TBCK: variants seen among roughly 807,000 people sequenced by gnomAD.
TBCK encodes TBC domain-containing protein kinase-like protein.
Under a neutral mutation model 113.4 loss-of-function variants are expected in TBCK, and 99 were observed. The ratio of observed to expected loss-of-function variants is 0.87; its 90% CI spans 0.74 to 1.03. The LOEUF (loss-of-function observed/expected upper bound fraction) is 1.03, where lower values mean the gene tolerates loss of function less well. Ranked by LOEUF, TBCK falls within the 50% of genes least tolerant of loss-of-function variation. The pLI is 0.00. For missense variants in TBCK, 1,045 were observed against 1,061.3 expected (o/e 0.98, Z 0.21); for synonymous variants, 369 against 370.8 (o/e 1.00, Z 0.05).
In TBCK at chr4:106,224,400, T is replaced by C. The variant is rs528858692; in HGVS notation, c.1774+5963A>G. Among the ~76,000 whole-genome samples the C allele has an allele frequency of 5.3e-5, 8 of 152,026 alleles. No individual in the cohort carries two copies. In the South Asian group the frequency reaches 1.2e-3, roughly 24 times the overall value. Reference sequence around the variant, plus strand: ...AAAGGCAATTCAAAGATTCAGTAAATATGCATTTCTACAATTGGCTTTTAA... The same window carrying C: ...AAAGGCAATTCAAAGATTCAGTAAACATGCATTTCTACAATTGGCTTTTAA... On this transcript the variant is annotated intron_variant, in intron 19 of 25. Transcript: ENST00000394708.
At chr4:106,147,369 T>C (rs1327756774) in intron 23 of TBCK, among the ~76,000 whole-genome samples, 2 of 152,152 alleles carry the variant, frequency 1.3e-5, no homozygotes, top group Non-Finnish European at 1.5e-5. Flanking sequence ...AAAGTAAGAC[T>C]TGAAAGTTGA....
At chr4:106,231,097 T>A (rs1344500126) in intron 18 of TBCK, among the ~76,000 whole-genome samples, 1 of 151,762 alleles carries the variant, frequency 6.6e-6, no homozygotes, top group Non-Finnish European at 1.5e-5. Flanking sequence ...GATCTTCAGA[T>A]AAGGCATCTA....
Position 106,171,083 on chromosome 4 carries a change from G to T in TBCK, c.2235+12C>A. Reference sequence around the variant, plus strand: ...CTTTTAGAGTTTGTAAACTAAATCCGCAAATACATACCAGATCTGTCTTTG... The same window carrying T: ...CTTTTAGAGTTTGTAAACTAAATCCTCAAATACATACCAGATCTGTCTTTG... On this transcript the variant is annotated intron_variant, in intron 23 of 25. Transcript: ENST00000394708. The T allele has an allele frequency of 4.5e-6, 7 of 1,562,576 alleles. No individual in the cohort carries two copies. Among genetic ancestry groups the T allele is most frequent in the Non-Finnish European group, 6.0e-6 (7 of 1,158,614 alleles).
chr4:106,211,700 C>A (rs966729541), intron 20 of TBCK, among the ~76,000 whole-genome samples: 1 of 151,906 alleles, frequency 6.6e-6, no homozygotes, highest in Non-Finnish European at 1.5e-5. Context: ...AAAAAAAACA[C>A]CTTAAATGAA....
chr4:106,246,271 T>C (rs1182869963), intron 10 of TBCK, among the ~76,000 whole-genome samples: 2 of 152,158 alleles, frequency 1.3e-5, no homozygotes, highest in Non-Finnish European at 2.9e-5. Flanking sequence ...ATACAGTATG[T>C]GACACATACC....
intron 19 of TBCK, among the ~76,000 whole-genome samples, chr4:106,227,030 T>G (rs920429612): frequency 1.3e-5 from 2 of 152,084 alleles, no homozygotes; most frequent in African/African-American, 4.8e-5. Context: ...CCTCCTTAAT[T>G]AGAAAAAGTC....
intron 24 of TBCK, among the ~76,000 whole-genome samples, chr4:106,102,393 A>C (rs1741659816): frequency 6.6e-6 from 1 of 152,156 alleles, no homozygotes; most frequent in Non-Finnish European, 1.5e-5. Context: ...TTTAACTGAG[A>C]CTATTCATAA....
intron 25 of TBCK, among the ~76,000 whole-genome samples, chr4:106,070,416 T>C (rs1023495258): frequency 3.3e-5 from 5 of 152,198 alleles, no homozygotes; most frequent in African/African-American, 1.2e-4. Flanking sequence ...TTTTTGTCTT[T>C]GGTTCTATTT....
chr4:106,196,529 A>C (rs12507429), intron 20 of TBCK, among the ~76,000 whole-genome samples: 28,307 of 151,884 alleles, frequency 0.19, 2,658 homozygotes, highest in South Asian at 0.25. Flanking sequence ...TATCAAGATG[A>C]CAGTCAAGAA....
chr4:106,226,032 T>C (rs1376666854), intron 19 of TBCK, among the ~76,000 whole-genome samples: 2 of 151,982 alleles, frequency 1.3e-5, no homozygotes, highest in Non-Finnish European at 2.9e-5. Flanking sequence ...GATGTGGTGA[T>C]GCATGCCTGT....
chr4:106,153,743 C>A (rs1241121223), intron 23 of TBCK, among the ~76,000 whole-genome samples: 1 of 152,002 alleles, frequency 6.6e-6, no homozygotes, highest in Non-Finnish European at 1.5e-5. Context: ...GTACTGAATT[C>A]ATATATGTTT....
intron 25 of TBCK, among the ~76,000 whole-genome samples, chr4:106,076,940 C>CA (rs890111646): frequency 6.6e-6 from 1 of 151,836 alleles, no homozygotes; most frequent in Non-Finnish European, 1.5e-5. Context: ...CCTATCCCTA[C>CA]AAAAAAATAC....
chr4:106,250,587 T>C (rs2150061334), intron 6 of TBCK, 109 bp from the exon 7 acceptor site: 1 of 585,406 alleles, frequency 1.7e-6, no homozygotes, highest in Non-Finnish European at 3.0e-6. Flanking sequence ...TCTTTATTTA[T>C]CTCCAAAAGT....
At chr4:106,124,960 C>G (rs931843347) in intron 23 of TBCK, among the ~76,000 whole-genome samples, 2 of 149,812 alleles carry the variant, frequency 1.3e-5, no homozygotes, top group African/African-American at 2.5e-5. Context: ...ATGTAACTAA[C>G]CTGCACAATG....
At chr4:106,064,947 G>A (rs543111846) in intron 25 of TBCK, among the ~76,000 whole-genome samples, 4 of 151,944 alleles carry the variant, frequency 2.6e-5, no homozygotes, top group South Asian at 2.1e-4. Context: ...TAAACATCAC[G>A]ATTTACTTTC....
intron 25 of TBCK, among the ~76,000 whole-genome samples, chr4:106,048,812 G>T (rs1734488486): frequency 6.6e-6 from 1 of 152,104 alleles, no homozygotes; most frequent in African/African-American, 2.4e-5. Flanking sequence ...AAAGAGTTCT[G>T]TTATTGTAAG....
chr4:106,250,490 GAGAAA>G lies in TBCK; in HGVS notation c.598-17_598-13del. 1 of 1,358,178 alleles carries G rather than the reference GAGAAA, an allele frequency of 7.4e-7. No homozygotes were observed. The highest frequency in any genetic ancestry group is 1.0e-6 in the Non-Finnish European group (1 of 975,930). The allele number at this position is 1,358,178 out of a possible 1,614,324, so 84.1% of individuals were successfully genotyped here. A position where few individuals can be genotyped will look rare whatever the true frequency, so the allele number is the denominator to read the frequency against. The stretch of plus-strand genomic sequence containing the variant: ...AATAATTTTCTTCCCTAAATAAAAT[GAGAAA>G]AGAAATTTCTATTAATATTTACATG... On this transcript the variant is annotated splice_polypyrimidine_tract_variant and intron_variant, in intron 6 of 25. Coordinates refer to ENST00000394708, the MANE Select transcript of TBCK (RefSeq NM_001163435.3).
intron 23 of TBCK, among the ~76,000 whole-genome samples, chr4:106,153,830 T>G (rs1748809101): frequency 6.6e-6 from 1 of 151,664 alleles, no homozygotes; most frequent in South Asian, 2.1e-4. Flanking sequence ...TTCTTAGAGT[T>G]TTTTTTTTCC....
intron 3 of TBCK, among the ~76,000 whole-genome samples, chr4:106,271,241 AAG>A (rs1261579462): frequency 1.3e-5 from 2 of 152,204 alleles, no homozygotes; most frequent in African/African-American, 4.8e-5. Context: ...AAAAAAGAGT[AAG>A]AAAAAGCTCT....
Sources: gnomAD v4.1 joint callset for allele counts (sites outside exome capture counted in the v4.1 genomes callset) on GRCh38, gnomAD v4.1.1 for gene constraint, MANE v1.5 for transcripts, NCBI Gene and HGNC (gene_info 2026-07-23, HGNC 2026-07-21) for gene names.